The following LRRFIP2 variants were observed in gnomAD, a reference collection of about 807,000 sequenced individuals.
LRRFIP2 encodes the protein LRR binding FLII interacting protein 2.
A neutral mutation model predicts 125.9 loss-of-function variants in LRRFIP2; 109 were observed. The observed-to-expected ratio is 0.87, with a 90% CI of 0.74 to 1.01. LRRFIP2 has a LOEUF of 1.01. Among genes scored for constraint, LRRFIP2 ranks in the 50% least tolerant of loss-of-function variants. LRRFIP2 has a pLI of 0.00. For synonymous variants in LRRFIP2, 291 were observed against 293.1 expected, an observed-to-expected ratio of 0.99 and a Z score of 0.07; for missense variants, 850 against 862.3, an observed-to-expected ratio of 0.99 and a Z score of 0.18.
intron 23 of LRRFIP2, 133 bp from the exon 24 acceptor site, chr3:37,063,924 G>T (rs1575872366): frequency 1.5e-6 from 1 of 676,304 alleles, no homozygotes; most frequent in Admixed American, 2.4e-5. Flanking sequence ...AATATCTAAA[G>T]AAATAAAGGT....
At chr3:37,100,715 T>C (rs2149304515) in intron 15 of LRRFIP2, among the ~76,000 whole-genome samples, 1 of 152,316 alleles carries the variant, frequency 6.6e-6, no homozygotes, top group Non-Finnish European at 1.5e-5. Context: ...GCTGACAGAA[T>C]TCAGTTTTTA....
chr3:37,154,274 A>T (rs903040461), intron 1 of LRRFIP2, among the ~76,000 whole-genome samples: 3 of 152,228 alleles, frequency 2.0e-5, no homozygotes, highest in Non-Finnish European at 4.4e-5. Flanking sequence ...GATGGAGGAA[A>T]CCTTGAAAGG....
chr3:37,173,633 A>G (rs6778709), intron 1 of LRRFIP2, among the ~76,000 whole-genome samples: 1,646 of 152,330 alleles, frequency 0.011, 38 homozygotes, highest in African/African-American at 0.037. Flanking sequence ...GATGATCCTA[A>G]GATAAAGACA....
At chr3:37,104,846 T>G (rs1433861213) in intron 14 of LRRFIP2, among the ~76,000 whole-genome samples, 1 of 152,162 alleles carries the variant, frequency 6.6e-6, no homozygotes, top group African/African-American at 2.4e-5. Flanking sequence ...ACAAGTCTTT[T>G]TTTTTTTTTC....
At chr3:37,119,873 G>A (rs1420977859) in intron 6 of LRRFIP2, among the ~76,000 whole-genome samples, 1 of 152,016 alleles carries the variant, frequency 6.6e-6, no homozygotes, top group African/African-American at 2.4e-5. Context: ...TGTTGGCCAG[G>A]TTGGTCTGGA....
chr3:37,168,895 T>C (rs550099838), intron 1 of LRRFIP2, among the ~76,000 whole-genome samples: 1 of 152,346 alleles, frequency 6.6e-6, no homozygotes, highest in Non-Finnish European at 1.5e-5. Flanking sequence ...TCCTCCTACC[T>C]CAGCCTGAGT....
chr3:37,165,857 G>GAA (rs754269332), intron 1 of LRRFIP2, among the ~76,000 whole-genome samples: 1,423 of 123,856 alleles, frequency 0.011, 9 homozygotes, highest in East Asian at 0.013. Flanking sequence ...AAGAAAGAAA[G>GAA]AGAAAGAAAG....
At chr3:37,066,203 T>C in intron 22 of LRRFIP2, 21 bp downstream of exon 22, 1 of 1,599,276 alleles carries the variant, frequency 6.3e-7, no homozygotes. Flanking sequence ...GGACCTGAAT[T>C]CCAGGCTAAT....
chr3:37,061,738 A>C (rs2088810802), intron 24 of LRRFIP2, among the ~76,000 whole-genome samples: 1 of 152,122 alleles, frequency 6.6e-6, no homozygotes, highest in African/African-American at 2.4e-5. Flanking sequence ...TTTATAGCGA[A>C]GCAAAAAATG....
chr3:37,101,073 G>A (rs2094010866), intron 15 of LRRFIP2, among the ~76,000 whole-genome samples: 1 of 152,118 alleles, frequency 6.6e-6, no homozygotes, highest in Non-Finnish European at 1.5e-5. Context: ...ATTAAGAAAT[G>A]TTGGCTGGGC....
chr3:37,161,309 C>T (rs182241423), intron 1 of LRRFIP2, among the ~76,000 whole-genome samples: 12 of 151,690 alleles, frequency 7.9e-5, no homozygotes, highest in East Asian at 1.9e-4. Flanking sequence ...GAGCCAAGAT[C>T]GCATCACTGC....
chr3:37,127,753 A>T, intron 3 of LRRFIP2, 73 bp from the exon 4 acceptor site: 1 of 1,174,656 alleles, frequency 8.5e-7, no homozygotes, highest in South Asian at 1.3e-5. Flanking sequence ...TAAATTAATC[A>T]TACACATTTT....
intron 18 of LRRFIP2, 48 bp downstream of exon 18, chr3:37,091,419 C>A (rs773938541): frequency 6.7e-7 from 1 of 1,485,404 alleles, no homozygotes; most frequent in Admixed American, 2.1e-5. Flanking sequence ...CCATTGCCAA[C>A]ACTTCTGCAT....
chr3:37,075,689 T>A (rs1258462702), intron 19 of LRRFIP2, among the ~76,000 whole-genome samples: 1 of 152,130 alleles, frequency 6.6e-6, no homozygotes, highest in African/African-American at 2.4e-5. Flanking sequence ...CAGGTTTTTC[T>A]TTTATCATCA....
intron 21 of LRRFIP2, among the ~76,000 whole-genome samples, chr3:37,070,114 C>CTTT (rs528717261): frequency 2.9e-5 from 4 of 136,954 alleles, no homozygotes; most frequent in Admixed American, 7.4e-5. Context: ...TAAATTTCCT[C>CTTT]TTTTTTTTTT....
chr3:37,088,509 T>TAAA (rs879257970), intron 18 of LRRFIP2, among the ~76,000 whole-genome samples: 1 of 136,920 alleles, frequency 7.3e-6, no homozygotes, highest in Non-Finnish European at 1.6e-5. Flanking sequence ...AGACTGCATT[T>TAAA]AAAAAAAAAA....
intron 22 of LRRFIP2, 79 bp downstream of exon 22, chr3:37,066,145 G>C: frequency 1.4e-6 from 2 of 1,417,254 alleles, no homozygotes; most frequent in South Asian, 1.1e-5. Flanking sequence ...TTTAGGCTAG[G>C]AAAGATGGCA....
At chr3:37,163,585 C>T (rs2096401308) in intron 1 of LRRFIP2, among the ~76,000 whole-genome samples, 1 of 152,332 alleles carries the variant, frequency 6.6e-6, no homozygotes, top group Admixed American at 6.5e-5. Flanking sequence ...GACCACCACT[C>T]TGTCACTGCT....
intron 1 of LRRFIP2, among the ~76,000 whole-genome samples, chr3:37,160,656 G>A (rs1484468903): frequency 6.6e-6 from 1 of 151,900 alleles, no homozygotes; most frequent in Admixed American, 6.6e-5. Flanking sequence ...GTACATGCCT[G>A]TAATCCCAGC....
Sources: allele counts gnomAD v4.1 joint callset (sites outside exome capture counted in the v4.1 genomes callset), GRCh38; gene constraint gnomAD v4.1.1; transcripts MANE v1.5; gene names NCBI Gene and HGNC (gene_info 2026-07-23, HGNC 2026-07-21).